FLYWCH2: variants seen among roughly 807,000 people sequenced by gnomAD.
FLYWCH2 encodes FLYWCH family member 2.
In FLYWCH2, 2 loss-of-function variants were observed where a neutral mutation model predicts 6.0. The observed-to-expected ratio is 0.33, with a 90% CI of 0.14 to 1.04. FLYWCH2 has a LOEUF of 1.04. FLYWCH2 is among the 50% of genes least tolerant of loss of function. The pLI is 0.45. For synonymous variants in FLYWCH2, 87 were observed against 79.3 expected, an observed-to-expected ratio of 1.10 and a Z score of -0.52; for missense variants, 192 against 183.4, an observed-to-expected ratio of 1.05 and a Z score of -0.27.
chr16:2,883,349 A>C lies in FLYWCH2; in HGVS notation c.-217A>C, dbSNP rs1234851970. ...GCCGCGGCGCTGTCGCCGGAGAGGG[A>C]GGGCACCGCTGTCGTCGGTGAGGAC... On this transcript the variant is annotated 5_prime_UTR_variant, in exon 1 of 4. Coordinates refer to ENST00000396958, the MANE Select transcript of FLYWCH2 (RefSeq NM_138439.3). 6.6e-6 allele frequency: 1 copy of C among 151,824 alleles called. No homozygotes were observed. The highest frequency in any genetic ancestry group is 1.9e-4 in the East Asian group (1 of 5,136). The allele number at this position is 151,824 out of a possible 1,614,324, so 9.4% of individuals were successfully genotyped here. A position where few individuals can be genotyped will look rare whatever the true frequency, so the allele number is the denominator to read the frequency against.
intron 1 of FLYWCH2, among the ~76,000 whole-genome samples, chr16:2,894,788 C>A (rs2069799044): frequency 1.3e-5 from 2 of 152,178 alleles, no homozygotes; most frequent in African/African-American, 4.8e-5. Flanking sequence ...AGGACAAGGC[C>A]CCCAACCCTG....
intron 1 of FLYWCH2, among the ~76,000 whole-genome samples, chr16:2,886,039 T>G (rs757919764): frequency 6.6e-6 from 1 of 152,192 alleles, no homozygotes; most frequent in Non-Finnish European, 1.5e-5. Context: ...ATCCTGGTGG[T>G]GTGAAGTGAT....
At position 2,896,555 on chromosome 16, in the gene FLYWCH2, C is replaced by A. The variant is rs773872794; in HGVS notation, c.106C>A (p.Pro36Thr). Residue 36 changes from proline (P) to threonine (T), a missense_variant, in exon 3 of 4, where the codon CCC (proline) becomes ACC (threonine). Physicochemically the swap from Pro to Thr is conservative, Grantham distance 38 (BLOSUM62 -1). Transcript: ENST00000396958. ...TEVIPAAPRK[P>T]RKFSKLVLLT... ...AGTCATCCCGGCAGCCCCCAGGAAG[C>A]CCAGAAAGTTCTCCAAACTGGTCCT... 28 of 1,614,064 alleles carry A rather than the reference C, an allele frequency of 1.7e-5. No individual in the cohort carries two copies. In the Admixed American group the frequency reaches 2.5e-4, roughly 14 times the overall value.
chr16:2,883,862 G>A (rs2069668007), intron 1 of FLYWCH2, among the ~76,000 whole-genome samples: 1 of 152,238 alleles, frequency 6.6e-6, no homozygotes, highest in Non-Finnish European at 1.5e-5. Context: ...ATTGCATTGG[G>A]TAAAGGAGTG....
At chr16:2,894,920 G>A (rs1043843879) in intron 1 of FLYWCH2, among the ~76,000 whole-genome samples, 1 of 152,196 alleles carries the variant, frequency 6.6e-6, no homozygotes, top group Non-Finnish European at 1.5e-5. Context: ...GAAACCATGA[G>A]AACCTCAAGC....
intron 3 of FLYWCH2, chr16:2,898,838 T>A (rs1412600761): frequency 2.2e-6 from 1 of 454,958 alleles, no homozygotes; most frequent in Non-Finnish European, 3.9e-6. Flanking sequence ...TCAAGTTTCC[T>A]GGAAATGACT....
chr16:2,893,890 G>A (rs1203900207), intron 1 of FLYWCH2, among the ~76,000 whole-genome samples: 11 of 151,852 alleles, frequency 7.2e-5, no homozygotes, highest in Admixed American at 5.9e-4. Context: ...CGCCCGCCTC[G>A]GCCTCCCAAA....
intron 2 of FLYWCH2, among the ~76,000 whole-genome samples, 191 bp downstream of exon 2, chr16:2,895,511 A>G (rs2150850023): frequency 6.6e-6 from 1 of 152,276 alleles, no homozygotes; most frequent in South Asian, 2.1e-4. Context: ...CTACTCGGAG[A>G]GGTTGAGGCA....
At chr16:2,897,048 G>C (rs1203802102) in intron 3 of FLYWCH2, among the ~76,000 whole-genome samples, 2 of 152,222 alleles carry the variant, frequency 1.3e-5, no homozygotes. Context: ...CTGAGGGTGC[G>C]GCGGGGCCCA....
intron 1 of FLYWCH2, among the ~76,000 whole-genome samples, chr16:2,889,319 T>C (rs1596336362): frequency 6.6e-6 from 1 of 150,660 alleles, no homozygotes; most frequent in South Asian, 2.1e-4. Context: ...CACGCCATTC[T>C]CCTGCCTCAG....
At chr16:2,886,886 T>C (rs935972812) in intron 1 of FLYWCH2, among the ~76,000 whole-genome samples, 4 of 152,086 alleles carry the variant, frequency 2.6e-5, no homozygotes, top group African/African-American at 9.7e-5. Context: ...CTTTATAAAT[T>C]CCAGATACAA....
At chr16:2,885,709 C>T (rs576593954) in intron 1 of FLYWCH2, among the ~76,000 whole-genome samples, 2 of 152,180 alleles carry the variant, frequency 1.3e-5, no homozygotes, top group Non-Finnish European at 2.9e-5. Context: ...TGTACTTATT[C>T]ATTCATCCAT....
intron 1 of FLYWCH2, among the ~76,000 whole-genome samples, chr16:2,889,683 T>A (rs1159969089): frequency 6.6e-6 from 1 of 152,168 alleles, no homozygotes. Flanking sequence ...ATTTTGGAAT[T>A]ATTTTAGCTT....
intron 1 of FLYWCH2, among the ~76,000 whole-genome samples, chr16:2,883,567 G>T (rs1235449233): frequency 6.6e-6 from 1 of 151,952 alleles, no homozygotes; most frequent in Non-Finnish European, 1.5e-5. Flanking sequence ...CCAGTCCCTT[G>T]TCCAAAGCCT....
At chr16:2,891,766 C>G (rs977218431) in intron 1 of FLYWCH2, among the ~76,000 whole-genome samples, 4 of 151,974 alleles carry the variant, frequency 2.6e-5, no homozygotes, top group African/African-American at 9.7e-5. Context: ...CTATGTTGCC[C>G]AGGCTGGTCT....
chr16:2,899,265 T>TTTA lies in FLYWCH2; in HGVS notation c.*118_*119insATT. ...TTGCTTTTAACATTGTGTGATTTCT[T>TTTA]TTCTTTTTTTTTTTTTTTTTAGATC... is the stretch of plus-strand genomic sequence containing the variant. On this transcript the variant is annotated 3_prime_UTR_variant, in exon 4 of 4. Transcript: ENST00000396958. 4 of 504,566 alleles carry TTTA rather than the reference T, an allele frequency of 7.9e-6. No individual in the cohort carries two copies. The highest frequency in any genetic ancestry group is 1.0e-5 in the Non-Finnish European group (3 of 300,660). The allele number at this position is 504,566 out of a possible 1,614,324, so 31.3% of individuals were successfully genotyped here.
chr16:2,896,502 A>C lies in FLYWCH2; in HGVS notation c.53A>C (p.Gln18Pro). 6.2e-7 allele frequency: 1 copy of C among 1,614,060 alleles called. No homozygotes were observed. Reference sequence around the variant, plus strand: ...GAGGGTGAGAGTGTGAAGGCCAGCCAGGAGCCATCCCCCAAGCCAGGCACA... The same window carrying C: ...GAGGGTGAGAGTGTGAAGGCCAGCCCGGAGCCATCCCCCAAGCCAGGCACA... ...EQEGESVKAS[Q>P]EPSPKPGTEV... is the part of the protein sequence containing the mutation. Residue 18 changes from glutamine (Q) to proline (P), a missense_variant, in exon 3 of 4, where the codon CAG becomes CCG. Gln to Pro is a moderately conservative substitution (Grantham distance 76, BLOSUM62 -1). Transcript: ENST00000396958.
At chr16:2,893,865 C>A (rs890394204) in intron 1 of FLYWCH2, among the ~76,000 whole-genome samples, 4 of 151,900 alleles carry the variant, frequency 2.6e-5, no homozygotes, top group African/African-American at 9.7e-5. Context: ...GTCTCGATCT[C>A]CTGACCTTGT....
At chr16:2,888,305 C>A (rs546472677) in intron 1 of FLYWCH2, among the ~76,000 whole-genome samples, 1 of 151,902 alleles carries the variant, frequency 6.6e-6, no homozygotes, top group East Asian at 1.9e-4. Context: ...CCACTGTGCC[C>A]GGCCTGTGTC....
Sources: gnomAD v4.1 joint callset for allele counts (sites outside exome capture counted in the v4.1 genomes callset) on GRCh38, gnomAD v4.1.1 for gene constraint, MANE v1.5 for transcripts, NCBI Gene and HGNC (gene_info 2026-07-23, HGNC 2026-07-21) for gene names.